Variants in NR6A1 observed in about 807,000 individuals in gnomAD.
The protein encoded by NR6A1 is nuclear receptor subfamily 6 group A member 1.
NR6A1 carries 7 observed loss-of-function variants against 59.1 expected under a neutral mutation model. That is an observed-to-expected ratio of 0.12 (90% CI 0.07 to 0.22). The LOEUF (loss-of-function observed/expected upper bound fraction) is 0.22. NR6A1 is among the 10% of genes least tolerant of loss of function. The pLI is 1.00. For synonymous variants in NR6A1, 243 were observed against 236.1 expected, an observed-to-expected ratio of 1.03 and a Z score of -0.27; for missense variants, 468 against 611.6, an observed-to-expected ratio of 0.77 and a Z score of 2.48.
At chr9:124,659,834 T>C (rs1432375705) in intron 2 of NR6A1, among the ~76,000 whole-genome samples, 1 of 152,364 alleles carries the variant, frequency 6.6e-6, no homozygotes, top group South Asian at 2.1e-4. Context: ...GTTCCAAATC[T>C]AATTTTTAAA....
chr9:124,558,790 A>G (rs1209471823), intron 2 of NR6A1, among the ~76,000 whole-genome samples: 3 of 152,138 alleles, frequency 2.0e-5, no homozygotes, highest in African/African-American at 7.2e-5. Flanking sequence ...TACACATTCT[A>G]CATGCAGGTA....
At chr9:124,727,101 A>T (rs190897287) in intron 2 of NR6A1, among the ~76,000 whole-genome samples, 58 of 137,912 alleles carry the variant, frequency 4.2e-4, no homozygotes, top group African/African-American at 1.5e-3. Context: ...TGATTAATAG[A>T]CCTGTATTTT....
chr9:124,769,588 G>C (rs1841049018), intron 1 of NR6A1, among the ~76,000 whole-genome samples: 1 of 152,192 alleles, frequency 6.6e-6, no homozygotes, highest in Non-Finnish European at 1.5e-5. Flanking sequence ...ACTGTCCCGG[G>C]TGTTTGCATT....
chr9:124,690,663 G>A (rs1160053395), intron 2 of NR6A1, among the ~76,000 whole-genome samples: 1 of 152,012 alleles, frequency 6.6e-6, no homozygotes, highest in Non-Finnish European at 1.5e-5. Flanking sequence ...GCCTCCGAAA[G>A]TGCTGGGATT....
intron 2 of NR6A1, among the ~76,000 whole-genome samples, chr9:124,669,723 A>G (rs1837732131): frequency 6.6e-6 from 1 of 152,216 alleles, no homozygotes; most frequent in Non-Finnish European, 1.5e-5. Context: ...GAGGAATTCG[A>G]GTAGCTAAGA....
chr9:124,580,454 TGGC>T (rs1834731764), intron 2 of NR6A1, among the ~76,000 whole-genome samples: 1 of 152,110 alleles, frequency 6.6e-6, no homozygotes, highest in Admixed American at 6.5e-5. Context: ...GAAATGGTTC[TGGC>T]TAGAAAATAC....
At position 124,540,092 on chromosome 9, in the gene NR6A1, G is replaced by A; in HGVS notation, c.537C>T (p.Ser179=). The A allele has an allele frequency of 6.2e-7, 1 of 1,613,148 alleles. No individual in the cohort carries two copies. Among genetic ancestry groups the A allele is most frequent in the South Asian group, 1.1e-5 (1 of 90,974 alleles). Reference sequence around the variant, plus strand: ...TGCTCTCCGAAGCCCTGTTCCCAGGGGAACTGTGGTCACTATCACCATGGT... The same window carrying A: ...TGCTCTCCGAAGCCCTGTTCCCAGGAGAACTGTGGTCACTATCACCATGGT... The part of the protein sequence containing the change: ...WSNHGDSDHS[S]PGNRASESNQ... Residue 179 remains serine, a synonymous_variant, in exon 5 of 10, where the codon TCC becomes TCT. Coordinates refer to ENST00000487099, the MANE Select transcript of NR6A1 (RefSeq NM_033334.4).
chr9:124,592,287 A>T lies in NR6A1; in HGVS notation c.143-37717T>A, dbSNP rs889321871. Among the ~76,000 whole-genome samples, 23 of 152,220 alleles carry T rather than the reference A, an allele frequency of 1.5e-4. 1 individual carries two copies. Among genetic ancestry groups the T allele is most frequent in the Non-Finnish European group, 5.9e-5 (4 of 68,048 alleles). On this transcript the variant is annotated intron_variant, in intron 2 of 9. Transcript: ENST00000487099. ...ACACATTAAAGACCACATTGTTCAA[A>T]AGGGTCATGGTAGGTTTCATACCCC...
rs544808812 is a variant in NR6A1, at chr9:124,678,361, G to A, written c.142+54947C>T. 1.1e-4 allele frequency among the ~76,000 whole-genome samples: 16 copies of A among 152,278 alleles called. 1 individual carries two copies. The South Asian group carries it at 3.3e-3, about 32-fold the overall frequency. ...TACATATCATCACCCTTCGTTAACT[G>A]TAGAACTTAGTATTTCAATCAAATG... On this transcript the variant is annotated intron_variant, in intron 2 of 9. Transcript: ENST00000487099.
intron 2 of NR6A1, among the ~76,000 whole-genome samples, chr9:124,579,704 G>C (rs1348122324): frequency 3.3e-5 from 5 of 152,168 alleles, no homozygotes; most frequent in Non-Finnish European, 5.9e-5. Context: ...AAAACAGTCT[G>C]ATAGGTTCTT....
chr9:124,543,805 G>T lies in NR6A1; in HGVS notation c.438C>A (p.Val146=). 3 of 1,613,194 alleles carry T rather than the reference G, an allele frequency of 1.9e-6. No individual in the cohort carries two copies. The change falls in exon 4 of 10, where the codon GTC becomes GTA. Residue 146 remains valine, a synonymous_variant. Transcript: ENST00000487099. The part of the protein sequence containing the change: ...PGGRNKSIGP[V]QISEEEIERI... ...GAGACTGAGGTCTAGAACTCACCTG[G>T]ACTGGCCCAATGCTCTTATTCCGGC...
rs753242760 is a variant in NR6A1 at position 124,660,648 on chromosome 9, CAAAAAA to C, written c.142+72654_142+72659del. Among the ~76,000 whole-genome samples the C allele has an allele frequency of 1.5e-4, 14 of 92,816 alleles. No homozygotes were observed. In the East Asian group the frequency reaches 2.4e-3, roughly 16 times the overall value. The allele number at this position is 92,816 out of a possible 152,430, so 60.9% of individuals were successfully genotyped here. Reference sequence around the variant, plus strand: ...TGCACTCCTGGCAGCTCTGAGAATACAAAAAAAAAAAAAAAAAAAAGGCAACACAGA... The same window carrying C: ...TGCACTCCTGGCAGCTCTGAGAATACAAAAAAAAAAAAAAGGCAACACAGA... On this transcript the variant is annotated intron_variant, in intron 2 of 9. Transcript: ENST00000487099.
At chr9:124,724,208 C>G (rs942797802) in intron 2 of NR6A1, among the ~76,000 whole-genome samples, 1 of 151,704 alleles carries the variant, frequency 6.6e-6, no homozygotes, top group Non-Finnish European at 1.5e-5. Context: ...GTATAGATTC[C>G]TAATTATGTA....
intron 1 of NR6A1, among the ~76,000 whole-genome samples, chr9:124,740,254 T>G (rs1588844416): frequency 6.6e-6 from 1 of 152,288 alleles, no homozygotes; most frequent in South Asian, 2.1e-4. Context: ...CCCCCTCCCT[T>G]TCCTGCAAAC....
chr9:124,581,111 C>T (rs1038218172), intron 2 of NR6A1, among the ~76,000 whole-genome samples: 1 of 152,060 alleles, frequency 6.6e-6, no homozygotes, highest in East Asian at 1.9e-4. Context: ...AAAATCAACT[C>T]AAGATGGATT....
At chr9:124,660,748 G>A (rs1028385263) in intron 2 of NR6A1, among the ~76,000 whole-genome samples, 7 of 151,608 alleles carry the variant, frequency 4.6e-5, no homozygotes, top group Admixed American at 2.0e-4. Context: ...TCTATTGTTG[G>A]AGTACATAAA....
chr9:124,583,679 G>C (rs1306384488), intron 2 of NR6A1, among the ~76,000 whole-genome samples: 3 of 152,198 alleles, frequency 2.0e-5, no homozygotes, highest in South Asian at 4.1e-4. Flanking sequence ...GGCATACTCG[G>C]TCAGGTTGTT....
chr9:124,585,886 A>C (rs569333223), intron 2 of NR6A1, among the ~76,000 whole-genome samples: 1 of 152,352 alleles, frequency 6.6e-6, no homozygotes, highest in South Asian at 2.1e-4. Flanking sequence ...TAAATGGAAC[A>C]ACAAAGCCTG....
chr9:124,768,715 GATTAAGAGTTAAAAT>G (rs1228028592), intron 1 of NR6A1, among the ~76,000 whole-genome samples: 1 of 152,202 alleles, frequency 6.6e-6, no homozygotes, highest in Non-Finnish European at 1.5e-5. Flanking sequence ...TGGGAAATCT[GATTAAGAGTTAAAAT>G]TACCATTGAG....
Sources: allele counts gnomAD v4.1 joint callset (sites outside exome capture counted in the v4.1 genomes callset), GRCh38; gene constraint gnomAD v4.1.1; transcripts MANE v1.5; gene names NCBI Gene and HGNC (gene_info 2026-07-23, HGNC 2026-07-21).